Variants in LGI1 observed in about 807,000 individuals in gnomAD.
The protein encoded by LGI1 is leucine rich glioma inactivated 1.
A neutral mutation model predicts 57.7 loss-of-function variants in LGI1; 11 were observed. The observed-to-expected ratio is 0.19, with a 90% CI of 0.12 to 0.32. The LOEUF is 0.32. Among genes scored for constraint, LGI1 ranks in the 10% least tolerant of loss-of-function variants. The probability of loss-of-function intolerance (pLI) is 1.00; values close to 1 mark genes in which losing one functional copy is unlikely to be tolerated. For missense variants in LGI1, 422 were observed against 661.9 expected (o/e 0.64, Z 3.98); for synonymous variants, 222 against 241.9 (o/e 0.92, Z 0.76).
intron 4 of LGI1, among the ~76,000 whole-genome samples, chr10:93,781,365 G>GTAAATAAATAAA (rs35338658): frequency 7.3e-4 from 108 of 148,418 alleles, no homozygotes; most frequent in African/African-American, 2.4e-3. Context: ...TCTCTAAGAA[G>GTAAATAAATAAA]TAAATAAATA....
chr10:93,779,445 G>C (rs1003613780), intron 4 of LGI1, among the ~76,000 whole-genome samples: 12 of 146,006 alleles, frequency 8.2e-5, no homozygotes, highest in African/African-American at 3.1e-4. Context: ...AGGGAGGGGA[G>C]GGGAGGGGAA....
intron 4 of LGI1, among the ~76,000 whole-genome samples, chr10:93,787,906 C>CAA (rs61222250): frequency 6.3e-4 from 73 of 115,654 alleles, no homozygotes; most frequent in African/African-American, 2.1e-3. Flanking sequence ...GACCCTGTCT[C>CAA]AAAAAAAAAA....
intron 2 of LGI1, among the ~76,000 whole-genome samples, chr10:93,773,999 G>A (rs997290209): frequency 6.6e-6 from 1 of 152,150 alleles, no homozygotes; most frequent in Non-Finnish European, 1.5e-5. Context: ...TGATGCTGCT[G>A]CTGTTGTGAG....
rs1470037787 is a variant in LGI1, at chr10:93,797,017, T to C, written c.888T>C (p.Tyr296=). The stretch of plus-strand genomic sequence containing the variant: ...CTATAGTCATTGAAACTCAGCTCTA[T>C]GTTATTGTGGCCCAGCTGTTTGGTG... ...CKPIVIETQL[Y]VIVAQLFGGS... The change falls in exon 8 of 8, where the codon TAT becomes TAC. Residue 296 remains tyrosine (Y), a synonymous_variant. Transcript: ENST00000371418. The surrounding 1 kb of genome is among the most constrained non-coding windows in gnomAD (Gnocchi z 6.5). 2 of 1,614,140 alleles carry C rather than the reference T, an allele frequency of 1.2e-6. No homozygotes were observed. Among genetic ancestry groups the C allele is most frequent in the Non-Finnish European group, 1.7e-6 (2 of 1,180,008 alleles).
chr10:93,776,278 G>A (rs930507402), intron 2 of LGI1, among the ~76,000 whole-genome samples: 2 of 152,010 alleles, frequency 1.3e-5, no homozygotes, highest in African/African-American at 4.8e-5. Context: ...ACATTTTTAT[G>A]AAAAATTTTA....
chr10:93,788,687 T>C (rs1037904054), intron 4 of LGI1: 1 of 152,192 alleles, frequency 6.6e-6, no homozygotes, highest in African/African-American at 2.4e-5. Context: ...TTGAGAACCA[T>C]TTTCCAAACT....
intron 2 of LGI1, among the ~76,000 whole-genome samples, chr10:93,774,774 T>G (rs12264757): frequency 0.034 from 5,213 of 152,258 alleles, 313 homozygotes; most frequent in African/African-American, 0.12. Context: ...TAACAGAGAC[T>G]GTGGAATACT....
chr10:93,780,152 A>G (rs2059833872), intron 4 of LGI1: 1 of 152,610 alleles, frequency 6.6e-6, no homozygotes, highest in Admixed American at 6.5e-5. Context: ...TTTGTCCCCA[A>G]GTTATGTTCT....
chr10:93,759,152 T>C (rs574577717), intron 2 of LGI1: 32 of 378,272 alleles, frequency 8.5e-5, no homozygotes, highest in African/African-American at 6.5e-4. Context: ...TGGGTTCTTT[T>C]GCCCTGGAGT....
intron 4 of LGI1, among the ~76,000 whole-genome samples, chr10:93,783,712 A>G (rs1238630267): frequency 6.6e-6 from 1 of 152,072 alleles, no homozygotes; most frequent in Non-Finnish European, 1.5e-5. Context: ...TCATTCATTC[A>G]TTTAAAAGTA....
chr10:93,790,359 T>C (rs556344729), intron 5 of LGI1, 189 bp downstream of exon 5: 24 of 590,642 alleles, frequency 4.1e-5, no homozygotes, highest in Non-Finnish European at 1.2e-5. Flanking sequence ...GTATTTATCA[T>C]TGGGAATTCT....
chr10:93,790,303 G>T (rs1029021807), intron 5 of LGI1, 133 bp downstream of exon 5: 1 of 818,310 alleles, frequency 1.2e-6, no homozygotes, highest in Non-Finnish European at 1.9e-6. Flanking sequence ...AATTTTAACT[G>T]GCCAAAAATT....
chr10:93,792,905 C>A lies in LGI1; in HGVS notation c.666C>A (p.Ile222=). ...TCTCCTCGAAGGATTTTGATTGCAT[C>A]ATTACAGGTAATGTACTCATCATCA... is the stretch of plus-strand genomic sequence containing the variant. ...NSLSSKDFDC[I]ITEFAKSQDL... is the part of the protein sequence containing the mutation. Residue 222 remains isoleucine (I), a synonymous_variant, in exon 6 of 8, where the codon ATC becomes ATA. Transcript: ENST00000371418. The A allele has an allele frequency of 6.2e-7, 1 of 1,613,774 alleles. No homozygotes were observed. Among genetic ancestry groups the A allele is most frequent in the Non-Finnish European group, 8.5e-7 (1 of 1,179,742 alleles).
chr10:93,769,142 C>T (rs1213284779), intron 2 of LGI1: 3 of 152,154 alleles, frequency 2.0e-5, no homozygotes, highest in Admixed American at 1.3e-4. Flanking sequence ...TATCATTTAA[C>T]CAGCCCTATT....
At chr10:93,787,185 C>T (rs540154552) in intron 4 of LGI1, among the ~76,000 whole-genome samples, 2 of 152,294 alleles carry the variant, frequency 1.3e-5, no homozygotes, top group East Asian at 3.9e-4. Context: ...AAGCTTCATT[C>T]TCTCTCCTCT....
intron 2 of LGI1, chr10:93,765,161 A>G (rs2059661108): frequency 6.6e-6 from 1 of 152,210 alleles, no homozygotes; most frequent in African/African-American, 2.4e-5. Flanking sequence ...ATGGGTTTGA[A>G]ACTCAGTTTG....
intron 2 of LGI1, among the ~76,000 whole-genome samples, chr10:93,773,284 C>T (rs1316945075): frequency 2.0e-5 from 3 of 151,976 alleles, no homozygotes; most frequent in African/African-American, 2.4e-5. Flanking sequence ...TATGGCTGCT[C>T]GCCAGAACGT....
At chr10:93,795,585 A>G (rs1467405330) in intron 7 of LGI1, among the ~76,000 whole-genome samples, 1 of 152,222 alleles carries the variant, frequency 6.6e-6, no homozygotes, top group East Asian at 1.9e-4. Flanking sequence ...CAACCATAGC[A>G]GATGACAAAT....
Position 93,797,868 on chromosome 10 carries a change from C to T in LGI1, c.*65C>T. On this transcript the variant is annotated 3_prime_UTR_variant, in exon 8 of 8. Coordinates refer to ENST00000371418, the MANE Select transcript of LGI1 (RefSeq NM_005097.4). This position sits in a 1 kb window ranked among gnomAD's most constrained non-coding sequence, Gnocchi z 6.5. ...GTACATGACCCGGATGAACTCAATG[C>T]ATGATGACTCTTCTTATCACACTTG... 7 of 1,058,098 alleles carry T rather than the reference C, an allele frequency of 6.6e-6. No individual in the cohort carries two copies. The highest frequency in any genetic ancestry group is 1.0e-5 in the Non-Finnish European group (7 of 686,712). The allele number at this position is 1,058,098 out of a possible 1,614,324, so 65.5% of individuals were successfully genotyped here. A position where few individuals can be genotyped will look rare whatever the true frequency, so the allele number is the denominator to read the frequency against.
Sources: gnomAD v4.1 joint callset for allele counts (sites outside exome capture counted in the v4.1 genomes callset) on GRCh38, gnomAD v4.1.1 for gene constraint, Gnocchi (gnomAD v3.1) non-coding constraint, MANE v1.5 for transcripts, NCBI Gene and HGNC (gene_info 2026-07-23, HGNC 2026-07-21) for gene names.